The following FOXO1 variants were observed in gnomAD, a reference collection of about 807,000 sequenced individuals.
FOXO1 encodes forkhead box protein O1.
Under a neutral mutation model 44.1 loss-of-function variants are expected in FOXO1, and 6 were observed. The ratio of observed to expected loss-of-function variants is 0.14; its 90% CI spans 0.07 to 0.27. FOXO1 has a LOEUF of 0.27. FOXO1 is among the 10% of genes least tolerant of loss of function. FOXO1 has a pLI of 1.00. For missense variants in FOXO1, 737 were observed against 888.8 expected (o/e 0.83, Z 2.17); for synonymous variants, 380 against 362.7 (o/e 1.05, Z -0.54).
At chr13:40,642,422 C>T (rs1175780666) in intron 1 of FOXO1, among the ~76,000 whole-genome samples, 1 of 152,214 alleles carries the variant, frequency 6.6e-6, no homozygotes, top group African/African-American at 2.4e-5. Context: ...AAAAAGGTAT[C>T]TCTCATGCCT....
At chr13:40,601,326 A>C (rs1184208740) in intron 1 of FOXO1, among the ~76,000 whole-genome samples, 1 of 152,236 alleles carries the variant, frequency 6.6e-6, no homozygotes, top group South Asian at 2.1e-4. Context: ...TGCTGTTAAT[A>C]GTATTTTACA....
rs1156455716 is a variant in FOXO1 at position 40,597,192 on chromosome 13, T to C, written c.631-36332A>G. On this transcript the variant is annotated intron_variant, in intron 1 of 2. Transcript: ENST00000379561. Reference sequence around the variant, plus strand: ...ACGTGATTAATGCTTTAATATCTAGTCTTTCCTTATACATTCTCAATCAAT... The same window carrying C: ...ACGTGATTAATGCTTTAATATCTAGCCTTTCCTTATACATTCTCAATCAAT... 2.4e-5 allele frequency among the ~76,000 whole-genome samples: 3 copies of C among 126,574 alleles called. No individual in the cohort carries two copies. The East Asian group carries it at 1.3e-3, about 54-fold the overall frequency. The allele number at this position is 126,574 out of a possible 152,430, so 83.0% of individuals were successfully genotyped here. A position where few individuals can be genotyped will look rare whatever the true frequency, so the allele number is the denominator to read the frequency against.
intron 1 of FOXO1, among the ~76,000 whole-genome samples, chr13:40,586,766 CCT>C (rs1489709557): frequency 4.6e-5 from 7 of 152,092 alleles, no homozygotes; most frequent in African/African-American, 9.7e-5. Context: ...CAAGACTGCC[CCT>C]CTGTCTTTCC....
At chr13:40,618,480 G>A (rs1876498336) in intron 1 of FOXO1, among the ~76,000 whole-genome samples, 1 of 152,238 alleles carries the variant, frequency 6.6e-6, no homozygotes, top group Non-Finnish European at 1.5e-5. Flanking sequence ...GAACGGGATT[G>A]TATTCTGGTG....
chr13:40,636,483 G>A (rs1025679643), intron 1 of FOXO1, among the ~76,000 whole-genome samples: 27 of 150,482 alleles, frequency 1.8e-4, no homozygotes, highest in Admixed American at 1.4e-3. Context: ...CAGCCTGGTC[G>A]ATATAGCAAG....
At chr13:40,623,199 T>C (rs572318468) in intron 1 of FOXO1, among the ~76,000 whole-genome samples, 1 of 152,282 alleles carries the variant, frequency 6.6e-6, no homozygotes, top group South Asian at 2.1e-4. Context: ...AGCCATTATA[T>C]TGAGATGCAT....
chr13:40,611,219 C>A, intron 1 of FOXO1: 1 of 309,896 alleles, frequency 3.2e-6, no homozygotes, highest in Non-Finnish European at 6.4e-6. Flanking sequence ...GACCTCACGG[C>A]TTTTAGATAT....
At chr13:40,633,297 T>C (rs963521573) in intron 1 of FOXO1, among the ~76,000 whole-genome samples, 1 of 152,110 alleles carries the variant, frequency 6.6e-6, no homozygotes, top group Admixed American at 6.5e-5. Context: ...TATATGCACA[T>C]AAAAAAACTA....
At chr13:40,641,338 C>T (rs1877345308) in intron 1 of FOXO1, among the ~76,000 whole-genome samples, 1 of 152,098 alleles carries the variant, frequency 6.6e-6, no homozygotes, top group South Asian at 2.1e-4. Context: ...ATCATCACCA[C>T]AAACACACCT....
chr13:40,621,738 T>C (rs1876623996), intron 1 of FOXO1, among the ~76,000 whole-genome samples: 2 of 152,238 alleles, frequency 1.3e-5, no homozygotes, highest in South Asian at 4.1e-4. Flanking sequence ...TGTCTAGACA[T>C]TTCTATCTAA....
chr13:40,661,997 C>T lies in FOXO1; in HGVS notation c.630+3586G>A, dbSNP rs141994863. Among the ~76,000 whole-genome samples the T allele has an allele frequency of 7.4e-3, 1,127 of 151,278 alleles. 16 individuals are homozygous for T. The highest frequency in any genetic ancestry group is 0.023 in the African/African-American group (949 of 41,250). Reference sequence around the variant, plus strand: ...GGCCAGCCAAGCCAATATGTGAAACCCCCTCTCTACTAAAAATACAAAAAT... The same window carrying T: ...GGCCAGCCAAGCCAATATGTGAAACTCCCTCTCTACTAAAAATACAAAAAT... On this transcript the variant is annotated intron_variant, in intron 1 of 2. Coordinates refer to ENST00000379561, the MANE Select transcript of FOXO1 (RefSeq NM_002015.4).
intron 1 of FOXO1, among the ~76,000 whole-genome samples, chr13:40,641,512 T>C (rs1240509733): frequency 3.9e-5 from 6 of 152,068 alleles, no homozygotes; most frequent in Admixed American, 3.9e-4. Context: ...GGATTGTCAG[T>C]ATGTGCATTA....
rs141701254 is a variant in FOXO1 at position 40,642,014 on chromosome 13, T to C, written c.630+23569A>G. 1.4e-3 allele frequency among the ~76,000 whole-genome samples: 216 copies of C among 152,184 alleles called. 2 individuals are homozygous for C. Among genetic ancestry groups the C allele is most frequent in the African/African-American group, 4.7e-3 (194 of 41,524 alleles). ...AAATAAATAAATAAATAAATACACATTGGCATCTTGAGTCCATTTACTGTG... is the reference window on the plus strand; with the variant it reads ...AAATAAATAAATAAATAAATACACACTGGCATCTTGAGTCCATTTACTGTG... On this transcript the variant is annotated intron_variant, in intron 1 of 2. Transcript: ENST00000379561.
intron 1 of FOXO1, among the ~76,000 whole-genome samples, chr13:40,644,469 A>G (rs914390379): frequency 6.6e-6 from 1 of 152,218 alleles, no homozygotes; most frequent in Non-Finnish European, 1.5e-5. Context: ...ACCGATTAGA[A>G]GCCAGAGATA....
intron 1 of FOXO1, among the ~76,000 whole-genome samples, chr13:40,590,177 T>G (rs984075820): frequency 2.0e-5 from 3 of 152,196 alleles, no homozygotes; most frequent in Non-Finnish European, 4.4e-5. Flanking sequence ...GAATGACTAT[T>G]CTGGCATAGT....
intron 1 of FOXO1, among the ~76,000 whole-genome samples, chr13:40,568,948 T>C (rs995901317): frequency 2.6e-5 from 4 of 151,594 alleles, no homozygotes; most frequent in African/African-American, 7.3e-5. Context: ...TTACAAAAAA[T>C]AGAACCACAT....
chr13:40,573,458 G>A (rs189898077), intron 1 of FOXO1, among the ~76,000 whole-genome samples: 1 of 152,288 alleles, frequency 6.6e-6, no homozygotes, highest in Admixed American at 6.5e-5. Flanking sequence ...GAATTCTTTG[G>A]GCTCCAGAGA....
intron 1 of FOXO1, among the ~76,000 whole-genome samples, chr13:40,651,677 ATTATAT>A (rs1877693181): frequency 1.3e-5 from 2 of 151,672 alleles, no homozygotes; most frequent in Admixed American, 1.3e-4. Context: ...CTAAATATAC[ATTATAT>A]TTATAACATA....
intron 1 of FOXO1, among the ~76,000 whole-genome samples, chr13:40,653,728 G>T (rs9577091): frequency 6.6e-6 from 1 of 151,824 alleles, no homozygotes; most frequent in African/African-American, 2.4e-5. Flanking sequence ...AGGTTCACTT[G>T]GCTACTTTCA....
Sources: gnomAD v4.1 joint callset for allele counts (sites outside exome capture counted in the v4.1 genomes callset) on GRCh38, gnomAD v4.1.1 for gene constraint, MANE v1.5 for transcripts, NCBI Gene and HGNC (gene_info 2026-07-23, HGNC 2026-07-21) for gene names.